NR5A2: variants seen among roughly 807,000 people sequenced by gnomAD.
The protein encoded by NR5A2 is CYP7A promoter-binding factor.
Under a neutral mutation model 62.7 loss-of-function variants are expected in NR5A2, and 26 were observed. The ratio of observed to expected loss-of-function variants is 0.41; its 90% CI spans 0.30 to 0.58. The LOEUF (loss-of-function observed/expected upper bound fraction) is 0.58. NR5A2 is among the 20% of genes least tolerant of loss of function. The pLI, the probability that NR5A2 is intolerant of heterozygous loss-of-function variation, is 0.22. For synonymous variants in NR5A2, 246 were observed against 241.7 expected, an observed-to-expected ratio of 1.02 and a Z score of -0.16; for missense variants, 541 against 669.1, an observed-to-expected ratio of 0.81 and a Z score of 2.11.
At chr1:200,165,520 C>T (rs984719422) in intron 7 of NR5A2, among the ~76,000 whole-genome samples, 2 of 152,206 alleles carry the variant, frequency 1.3e-5, no homozygotes, top group African/African-American at 4.8e-5. Flanking sequence ...CCTCCTTCTA[C>T]CAACTACTGG....
intron 7 of NR5A2, among the ~76,000 whole-genome samples, chr1:200,155,220 A>G (rs1448933327): frequency 6.8e-6 from 1 of 146,464 alleles, no homozygotes; most frequent in Non-Finnish European, 1.5e-5. Context: ...CATGCAATCC[A>G]TAATAATCAC....
chr1:200,080,118 G>A (rs1664228971), intron 5 of NR5A2, among the ~76,000 whole-genome samples: 2 of 152,186 alleles, frequency 1.3e-5, no homozygotes, highest in South Asian at 2.1e-4. Context: ...AGAACAGACA[G>A]TTGGAAAAAG....
chr1:200,149,008 G>C (rs528856785), intron 7 of NR5A2, among the ~76,000 whole-genome samples: 106 of 151,782 alleles, frequency 7.0e-4, no homozygotes, highest in South Asian at 1.3e-3. Flanking sequence ...CAACTCTTGG[G>C]TTCAAACAAT....
intron 5 of NR5A2, among the ~76,000 whole-genome samples, chr1:200,052,920 A>G (rs2821376): frequency 0.28 from 42,012 of 152,146 alleles, 5,883 homozygotes; most frequent in Non-Finnish European, 0.31. Flanking sequence ...GATTATAGGC[A>G]TGAGCCACCG....
intron 5 of NR5A2, among the ~76,000 whole-genome samples, chr1:200,074,152 T>C (rs1481698047): frequency 6.6e-6 from 1 of 152,192 alleles, no homozygotes; most frequent in Non-Finnish European, 1.5e-5. Flanking sequence ...AATAGTCTAT[T>C]AGTAATGAAA....
At chr1:200,167,787 G>T (rs1041511909) in intron 7 of NR5A2, among the ~76,000 whole-genome samples, 1 of 152,130 alleles carries the variant, frequency 6.6e-6, no homozygotes, top group African/African-American at 2.4e-5. Flanking sequence ...CTTCTCTAGG[G>T]TTTGTATATA....
chr1:200,095,277 T>C (rs1272685122), intron 5 of NR5A2, among the ~76,000 whole-genome samples: 3 of 151,370 alleles, frequency 2.0e-5, no homozygotes, highest in Non-Finnish European at 4.4e-5. Flanking sequence ...CCATCATGCC[T>C]GGCTGAGCTC....
Position 200,027,751 on chromosome 1 carries a change from T to C in NR5A2, c.-97T>C. 1 of 711,542 alleles carries C rather than the reference T, an allele frequency of 1.4e-6. No individual in the cohort carries two copies. Among genetic ancestry groups the C allele is most frequent in the Non-Finnish European group, 2.4e-6 (1 of 419,482 alleles). The allele number at this position is 711,542 out of a possible 1,614,324, so 44.1% of individuals were successfully genotyped here. On this transcript the variant is annotated 5_prime_UTR_variant, in exon 1 of 8. Transcript: ENST00000367362. ...CACTAAGGGTTACTGTAGTCTGATG[T>C]GTCCTTCCCAAGGCCACGAAATTTG... is the stretch of plus-strand genomic sequence containing the variant.
At chr1:200,080,312 C>T (rs982785767) in intron 5 of NR5A2, among the ~76,000 whole-genome samples, 3 of 152,084 alleles carry the variant, frequency 2.0e-5, no homozygotes, top group Non-Finnish European at 4.4e-5. Flanking sequence ...TCTAAGACTG[C>T]AAAAATCATT....
At chr1:200,075,229 G>C (rs930787361) in intron 5 of NR5A2, among the ~76,000 whole-genome samples, 6 of 152,150 alleles carry the variant, frequency 3.9e-5, no homozygotes, top group African/African-American at 1.4e-4. Flanking sequence ...CATTTACCAA[G>C]TATACATAAG....
chr1:200,151,601 T>C (rs1420406874), intron 7 of NR5A2, among the ~76,000 whole-genome samples: 2 of 152,194 alleles, frequency 1.3e-5, no homozygotes. Context: ...TAAAATAGTA[T>C]CATATTCTAC....
intron 5 of NR5A2, among the ~76,000 whole-genome samples, chr1:200,087,018 T>C (rs1340685821): frequency 3.3e-5 from 5 of 152,064 alleles, no homozygotes; most frequent in African/African-American, 1.2e-4. Context: ...CAGCCTGGGA[T>C]ATAGAATGAG....
chr1:200,053,761 G>A (rs971758039), intron 5 of NR5A2, among the ~76,000 whole-genome samples: 2 of 152,182 alleles, frequency 1.3e-5, no homozygotes, highest in Non-Finnish European at 2.9e-5. Flanking sequence ...AGATGACCCC[G>A]TGGGAGTGAA....
intron 5 of NR5A2, among the ~76,000 whole-genome samples, chr1:200,085,673 AAAAAG>A (rs1283961056): frequency 8.8e-6 from 1 of 114,260 alleles, no homozygotes; most frequent in African/African-American, 3.3e-5. Context: ...AAAAAAAAAA[AAAAAG>A]AAAAGAAAGA....
At chr1:200,128,138 A>G (rs901300850) in intron 7 of NR5A2, among the ~76,000 whole-genome samples, 3 of 152,108 alleles carry the variant, frequency 2.0e-5, no homozygotes, top group Non-Finnish European at 4.4e-5. Context: ...GTTTATACCA[A>G]AATCTGCACA....
intron 5 of NR5A2, among the ~76,000 whole-genome samples, chr1:200,085,680 AAAG>A (rs1306615625): frequency 8.8e-6 from 1 of 113,132 alleles, no homozygotes; most frequent in Non-Finnish European, 1.9e-5. Context: ...AAAAAAAAGA[AAAG>A]AAAGAAAGAA....
chr1:200,062,099 A>G (rs1663248380), intron 5 of NR5A2, among the ~76,000 whole-genome samples: 1 of 152,196 alleles, frequency 6.6e-6, no homozygotes, highest in Non-Finnish European at 1.5e-5. Flanking sequence ...AAATTCCCAG[A>G]ATAATGTTTT....
intron 5 of NR5A2, among the ~76,000 whole-genome samples, chr1:200,084,036 T>C (rs1355850759): frequency 6.6e-6 from 1 of 151,258 alleles, no homozygotes; most frequent in East Asian, 1.9e-4. Context: ...ATAGGGTAGG[T>C]CAGATATTCT....
At chr1:200,128,653 C>A (rs1479588974) in intron 7 of NR5A2, among the ~76,000 whole-genome samples, 1 of 152,084 alleles carries the variant, frequency 6.6e-6, no homozygotes, top group South Asian at 2.1e-4. Context: ...TAGCCAATTG[C>A]ATCTCTAAGA....
Sources: allele counts gnomAD v4.1 joint callset (sites outside exome capture counted in the v4.1 genomes callset), GRCh38; gene constraint gnomAD v4.1.1; transcripts MANE v1.5; gene names NCBI Gene and HGNC (gene_info 2026-07-23, HGNC 2026-07-21).